The following PFKP variants were observed in gnomAD, a reference collection of about 807,000 sequenced individuals.
PFKP encodes the protein ATP-dependent 6-phosphofructokinase, platelet type.
Under a neutral mutation model 94.3 loss-of-function variants are expected in PFKP, and 101 were observed. The observed-to-expected ratio is 1.07, with a 90% CI of 0.91 to 1.26. The LOEUF is 1.26. Ranked by LOEUF, PFKP falls within the 50% of genes most tolerant of loss-of-function variation. PFKP has a pLI of 0.00. For missense variants in PFKP, 1,145 were observed against 1,103.3 expected, an observed-to-expected ratio of 1.04 and a Z score of -0.53; for synonymous variants, 573 against 432.6, an observed-to-expected ratio of 1.32 and a Z score of -4.03.
At chr10:3,088,913 C>G (rs568863637) in intron 2 of PFKP, among the ~76,000 whole-genome samples, 11 of 151,872 alleles carry the variant, frequency 7.2e-5, no homozygotes, top group Non-Finnish European at 1.5e-4. Context: ...GGCAATGTTT[C>G]TCTTTTTATG....
At chr10:3,071,413 TTC>T (rs1464528366) in intron 1 of PFKP, among the ~76,000 whole-genome samples, 1 of 149,728 alleles carries the variant, frequency 6.7e-6, no homozygotes, top group East Asian at 2.0e-4. Flanking sequence ...CTTGGATATC[TTC>T]TGTCTCAGGC....
At chr10:3,104,010 C>A in intron 5 of PFKP, 66 bp downstream of exon 5, 1 of 1,473,480 alleles carries the variant, frequency 6.8e-7, no homozygotes. Flanking sequence ...TCAGACGTTA[C>A]CACGGGCTCT....
chr10:3,082,674 C>T (rs1017823025), intron 2 of PFKP, among the ~76,000 whole-genome samples: 1 of 152,150 alleles, frequency 6.6e-6, no homozygotes, highest in Admixed American at 6.5e-5. Flanking sequence ...TTTTGTTAGG[C>T]AAGAGGAGAA....
intron 1 of PFKP, among the ~76,000 whole-genome samples, chr10:3,073,050 A>AC (rs1288950723): frequency 6.6e-6 from 1 of 151,542 alleles, no homozygotes; most frequent in Non-Finnish European, 1.5e-5. Flanking sequence ...CTCCGTCTTC[A>AC]CCCCCAACTC....
chr10:3,067,670 G>A lies in PFKP; in HGVS notation c.75G>A (p.Lys25=), dbSNP rs1465923074. ...TGGAGCACCTCTCCGGGGCCGGCAAGGCCATCGGCGTGCTGACCAGCGGCG... is the reference window on the plus strand; with the variant it reads ...TGGAGCACCTCTCCGGGGCCGGCAAAGCCATCGGCGTGCTGACCAGCGGCG... The part of the protein sequence containing the change: ...KFLEHLSGAG[K]AIGVLTSGGD... The change falls in exon 1 of 22, where the codon AAG becomes AAA. Residue 25 remains lysine, a synonymous_variant. Coordinates refer to ENST00000381125, the MANE Select transcript of PFKP (RefSeq NM_002627.5). 3 of 1,530,864 alleles carry A rather than the reference G, an allele frequency of 2.0e-6. No individual in the cohort carries two copies. The highest frequency in any genetic ancestry group is 2.6e-6 in the Non-Finnish European group (3 of 1,138,558). The allele number at this position is 1,530,864 out of a possible 1,614,324, so 94.8% of individuals were successfully genotyped here.
intron 1 of PFKP, among the ~76,000 whole-genome samples, chr10:3,075,691 C>G (rs566132112): frequency 6.7e-6 from 1 of 148,986 alleles, no homozygotes. Flanking sequence ...TCACTTGAGC[C>G]CAGGAGTTTG....
intron 14 of PFKP, among the ~76,000 whole-genome samples, 196 bp from the exon 15 acceptor site, chr10:3,118,586 C>A (rs548253572): frequency 6.3e-4 from 96 of 152,274 alleles, no homozygotes; most frequent in African/African-American, 2.2e-3. Flanking sequence ...CTCATGAAAA[C>A]ACTGTTTTGA....
chr10:3,109,134 G>A (rs1267926646), intron 9 of PFKP, among the ~76,000 whole-genome samples: 3 of 152,176 alleles, frequency 2.0e-5, no homozygotes, highest in African/African-American at 7.2e-5. Context: ...CAAACCCTCA[G>A]TTCTTAACAC....
chr10:3,093,909 C>G (rs1834274124), intron 2 of PFKP, among the ~76,000 whole-genome samples: 1 of 152,318 alleles, frequency 6.6e-6, no homozygotes, highest in Non-Finnish European at 1.5e-5. Context: ...TCCCAAAGTG[C>G]TGGGATTACA....
chr10:3,098,861 G>A (rs577331399), intron 2 of PFKP, among the ~76,000 whole-genome samples: 5 of 152,238 alleles, frequency 3.3e-5, no homozygotes, highest in South Asian at 4.1e-4. Flanking sequence ...CTTGGCAGGC[G>A]GAGCCCCTGA....
rs547181615 is a variant in PFKP, at chr10:3,105,087, T to G, written c.621-28T>G. The G allele has an allele frequency of 1.6e-4, 265 of 1,611,548 alleles. 2 individuals are homozygous for G. The South Asian group carries it at 2.8e-3, about 17-fold the overall frequency. On this transcript the variant is annotated intron_variant, in intron 5 of 21. Transcript: ENST00000381125. ...CTGTTTCTCTGCTTTCTGAGCTGTG[T>G]CCGGGGCTCCCTCTGTTTCTCTTCC...
chr10:3,069,613 T>G (rs1043702328), intron 1 of PFKP, among the ~76,000 whole-genome samples: 32 of 152,268 alleles, frequency 2.1e-4, no homozygotes, highest in African/African-American at 7.7e-4. Flanking sequence ...CCTTGTACGG[T>G]GGCTCATGCT....
chr10:3,134,590 G>C lies in PFKP; in HGVS notation c.2122+8G>C. The C allele has an allele frequency of 6.3e-7, 1 of 1,585,682 alleles. No individual in the cohort carries two copies. The highest frequency in any genetic ancestry group is 1.1e-5 in the South Asian group (1 of 90,544). On this transcript the variant is annotated splice_region_variant and intron_variant, in intron 20 of 21. Coordinates refer to ENST00000381125, the MANE Select transcript of PFKP (RefSeq NM_002627.5). ...AGGAGGCCCGGGGCAGAGGTAAGGG[G>C]TCTGGGGAGGGAGGCCACAGCCTCG...
chr10:3,092,721 C>A (rs1004093600), intron 2 of PFKP, among the ~76,000 whole-genome samples: 1 of 152,130 alleles, frequency 6.6e-6, no homozygotes, highest in Non-Finnish European at 1.5e-5. Context: ...CTGATAGAAA[C>A]CCTTCATTCT....
intron 19 of PFKP, among the ~76,000 whole-genome samples, chr10:3,133,668 T>G (rs1415689867): frequency 6.6e-6 from 1 of 152,146 alleles, no homozygotes; most frequent in Non-Finnish European, 1.5e-5. Context: ...TGACCTCAGA[T>G]GATTCACCCA....
chr10:3,087,538 C>A (rs1004815870), intron 2 of PFKP, among the ~76,000 whole-genome samples: 1 of 152,194 alleles, frequency 6.6e-6, no homozygotes, highest in Non-Finnish European at 1.5e-5. Context: ...TCCTTGTGTG[C>A]AAATGGTGTT....
chr10:3,135,744 T>C lies in PFKP; in HGVS notation c.2131T>C (p.Phe711Leu). The C allele has an allele frequency of 6.2e-7, 1 of 1,606,872 alleles. No individual in the cohort carries two copies. The highest frequency in any genetic ancestry group is 1.1e-5 in the South Asian group (1 of 90,450). Residue 711 changes from phenylalanine (F) to leucine (L), a missense_variant, in exon 21 of 22, where the codon TTT (phenylalanine) becomes CTT (leucine). Phe to Leu is a conservative substitution (Grantham distance 22). This residue lies in a region of PFKP where 1,119 missense variants were observed against 1,062.8 expected (regional missense o/e 1.05). Transcript: ENST00000381125. ...TTTAAAATCTTTTATAGGAAAAAAA[T>C]TTACCACCGATGATTCCATTTGTGT... ...LKEARGRGKK[F>L]TTDDSICVLG...
At chr10:3,132,582 C>T (rs987739100) in intron 18 of PFKP, 141 bp downstream of exon 18, 22 of 632,228 alleles carry the variant, frequency 3.5e-5, no homozygotes, top group Non-Finnish European at 5.2e-5. Context: ...GTGCAGAAGA[C>T]AGCTGTGGTG....
At chr10:3,116,020 T>A in intron 13 of PFKP, among the ~76,000 whole-genome samples, 1 of 152,232 alleles carries the variant, frequency 6.6e-6, no homozygotes, top group East Asian at 1.9e-4. Context: ...TCTTTCTTGT[T>A]CAGACTTGTG....
Sources: allele counts gnomAD v4.1 joint callset (sites outside exome capture counted in the v4.1 genomes callset), GRCh38; gene constraint gnomAD v4.1.1; regional missense constraint gnomAD v4.1.1; transcripts MANE v1.5; gene names NCBI Gene and HGNC (gene_info 2026-07-23, HGNC 2026-07-21).